Variants in PPP2R5C observed in about 807,000 individuals in gnomAD.
The protein encoded by PPP2R5C is protein phosphatase 2 regulatory subunit B'gamma, also known as serine/threonine-protein phosphatase 2A 56 kDa regulatory subunit gamma isoform.
A neutral mutation model predicts 68.9 loss-of-function variants in PPP2R5C; 7 were observed. The ratio of observed to expected loss-of-function variants is 0.10; its 90% CI spans 0.06 to 0.19. The LOEUF (loss-of-function observed/expected upper bound fraction) is 0.19, where lower values mean the gene tolerates loss of function less well. PPP2R5C is among the 10% of genes least tolerant of loss of function. PPP2R5C has a pLI of 1.00. For missense variants in PPP2R5C, 348 were observed against 641.3 expected (o/e 0.54, Z 4.94); for synonymous variants, 210 against 222.2 (o/e 0.95, Z 0.49).
chr14:101,761,419 G>A (rs144418438), upstream of PPP2R5C, among the ~76,000 whole-genome samples: 1,448 of 151,846 alleles, frequency 9.5e-3, 26 homozygotes, highest in African/African-American at 0.034. Context: ...CCCGCGCCAG[G>A]AGGCCGCGGC....
intron 2 of PPP2R5C, among the ~76,000 whole-genome samples, chr14:101,777,437 A>T (rs2037481522): frequency 6.7e-6 from 1 of 149,090 alleles, no homozygotes; most frequent in Non-Finnish European, 1.5e-5. Flanking sequence ...GCAACCTCTA[A>T]CTCCTGGGTT....
intron 8 of PPP2R5C, among the ~76,000 whole-genome samples, chr14:101,896,078 GGTGCAATCT>G (rs1264259938): frequency 6.6e-6 from 1 of 152,028 alleles, no homozygotes. Flanking sequence ...GGAGTGCAAT[GGTGCAATCT>G]TGGCTCACCA....
intron 2 of PPP2R5C, among the ~76,000 whole-genome samples, chr14:101,776,171 C>T (rs1464947433): frequency 4.0e-5 from 6 of 151,894 alleles, no homozygotes; most frequent in East Asian, 1.9e-4. Flanking sequence ...AGGGAAGGGC[C>T]GACTATTTTG....
chr14:101,865,317 C>A (rs1027647330), intron 2 of PPP2R5C, among the ~76,000 whole-genome samples: 1 of 152,226 alleles, frequency 6.6e-6, no homozygotes, highest in African/African-American at 2.4e-5. Flanking sequence ...TCCCATGTCC[C>A]CGCTCTCTGT....
intron 2 of PPP2R5C, among the ~76,000 whole-genome samples, chr14:101,773,081 A>G (rs952032964): frequency 7.2e-5 from 11 of 152,160 alleles, no homozygotes; most frequent in African/African-American, 2.6e-4. Context: ...GGATTCCTTC[A>G]TTCTCAGTCA....
chr14:101,865,171 T>C (rs1233497935), intron 2 of PPP2R5C, among the ~76,000 whole-genome samples: 2 of 152,108 alleles, frequency 1.3e-5, no homozygotes, highest in African/African-American at 4.8e-5. Context: ...CTGCTAACAT[T>C]ATTTAGAGCT....
intron 12 of PPP2R5C, chr14:101,912,679 G>A: frequency 8.8e-7 from 1 of 1,138,082 alleles, no homozygotes; most frequent in Non-Finnish European, 1.1e-6. Context: ...CCACAGAATT[G>A]ACTTTTTTCC....
intron 9 of PPP2R5C, among the ~76,000 whole-genome samples, chr14:101,904,970 A>T (rs2045939682): frequency 6.6e-6 from 1 of 152,234 alleles, no homozygotes; most frequent in Admixed American, 6.5e-5. Context: ...CAAATAGGGT[A>T]GGGTATGAAC....
chr14:101,799,853 C>G (rs2038784421), intron 3 of PPP2R5C, among the ~76,000 whole-genome samples: 4 of 152,186 alleles, frequency 2.6e-5, no homozygotes, highest in African/African-American at 9.7e-5. Flanking sequence ...TTCCTTGGTT[C>G]AGACTTTCTT....
At chr14:101,794,915 T>G (rs2038537836) in intron 3 of PPP2R5C, among the ~76,000 whole-genome samples, 1 of 152,242 alleles carries the variant, frequency 6.6e-6, no homozygotes, top group African/African-American at 2.4e-5. Flanking sequence ...TTAGAGCATC[T>G]GCACATAATT....
At chr14:101,881,856 C>A (rs547516049) in intron 2 of PPP2R5C, among the ~76,000 whole-genome samples, 32 of 152,334 alleles carry the variant, frequency 2.1e-4, no homozygotes, top group Admixed American at 2.1e-3. Context: ...AGTATAAGAC[C>A]TCAGAAGTCA....
At chr14:101,821,587 A>G (rs969566401) in intron 1 of PPP2R5C, among the ~76,000 whole-genome samples, 1 of 151,878 alleles carries the variant, frequency 6.6e-6, no homozygotes, top group African/African-American at 2.4e-5. Context: ...TTTTAGTAAC[A>G]AAAACCTTTT....
chr14:101,763,852 C>T (rs184885884), intron 2 of PPP2R5C, among the ~76,000 whole-genome samples: 1 of 152,228 alleles, frequency 6.6e-6, no homozygotes, highest in African/African-American at 2.4e-5. Context: ...AGTTCTTTTT[C>T]TTCCATCACC....
rs960950934 is a variant in PPP2R5C, at chr14:101,786,198, T to G, written c.259+15T>G. 2.0e-6 allele frequency: 3 copies of G among 1,528,484 alleles called. No homozygotes were observed. In the African/African-American group the frequency reaches 4.2e-5, roughly 21 times the overall value. 94.7% of individuals were successfully genotyped at this position (1,528,484 alleles called of 1,614,324 possible). ...ATCCTTAAAAGGTAATTTTTATTTG[T>G]CTTTTAAAAGTTAAATTGTGGCTGT... On this transcript the variant is annotated intron_variant, in intron 3 of 14. Coordinates refer to the PPP2R5C transcript ENST00000328724.
At chr14:101,834,887 G>A (rs145645821) in intron 1 of PPP2R5C, among the ~76,000 whole-genome samples, 22 of 152,312 alleles carry the variant, frequency 1.4e-4, no homozygotes, top group East Asian at 5.8e-4. Context: ...TATCCAGCTC[G>A]CTGGTGGGCC....
intron 2 of PPP2R5C, among the ~76,000 whole-genome samples, chr14:101,784,641 G>T (rs148081652): frequency 2.6e-5 from 4 of 152,144 alleles, no homozygotes; most frequent in African/African-American, 9.7e-5. Context: ...CCCTTGACTC[G>T]TGGGGATTAC....
chr14:101,819,180 TC>T, intron 1 of PPP2R5C: 2 of 1,176,298 alleles, frequency 1.7e-6, no homozygotes, highest in Non-Finnish European at 1.2e-6. Context: ...TTGGTTTTTT[TC>T]CCAGCTTTAT....
At chr14:101,764,430 A>G (rs894304348) in intron 2 of PPP2R5C, among the ~76,000 whole-genome samples, 6 of 152,216 alleles carry the variant, frequency 3.9e-5, no homozygotes, top group African/African-American at 1.4e-4. Flanking sequence ...CCAAATTAGA[A>G]TGAGTTCAGT....
At chr14:101,824,184 A>G in intron 1 of PPP2R5C, 9 of 1,255,636 alleles carry the variant, frequency 7.2e-6, no homozygotes, top group Non-Finnish European at 9.3e-6. Context: ...ACGTAAACTT[A>G]CTATTGGTAA....
Sources: allele counts gnomAD v4.1 joint callset (sites outside exome capture counted in the v4.1 genomes callset), GRCh38; gene constraint gnomAD v4.1.1; transcripts MANE v1.5; gene names NCBI Gene and HGNC (gene_info 2026-07-23, HGNC 2026-07-21).